The following GGACT variants were observed in gnomAD, a reference collection of about 807,000 sequenced individuals.
The protein encoded by GGACT is gamma-glutamylaminecyclotransferase.
For synonymous variants in GGACT, 118 were observed against 115.3 expected (o/e 1.02, Z -0.15); for missense variants, 241 against 233.2 (o/e 1.03, Z -0.22).
At chr13:100,556,922 G>A (rs1015384347) in intron 2 of GGACT, among the ~76,000 whole-genome samples, 3 of 152,122 alleles carry the variant, frequency 2.0e-5, no homozygotes, top group African/African-American at 7.2e-5. Flanking sequence ...TGCCCAGGCT[G>A]GAGTGCAGTG....
intron 2 of GGACT, among the ~76,000 whole-genome samples, chr13:100,543,670 A>C (rs191856283): frequency 2.0e-5 from 3 of 152,254 alleles, no homozygotes; most frequent in African/African-American, 4.8e-5. Flanking sequence ...GTAACAATGC[A>C]TACTGCCAGT....
chr13:100,569,039 C>G (rs576042777), intron 2 of GGACT, among the ~76,000 whole-genome samples: 10 of 152,390 alleles, frequency 6.6e-5, no homozygotes, highest in African/African-American at 2.4e-4. Context: ...GCCCCTATGG[C>G]TTTGCAGGGT....
intron 2 of GGACT, among the ~76,000 whole-genome samples, chr13:100,561,678 T>G (rs1447208289): frequency 1.3e-5 from 2 of 152,204 alleles, no homozygotes; most frequent in Non-Finnish European, 2.9e-5. Flanking sequence ...ATTCCTGTAC[T>G]TAGAAGAACC....
chr13:100,556,822 AT>A (rs2088712350), intron 2 of GGACT, among the ~76,000 whole-genome samples: 1 of 152,220 alleles, frequency 6.6e-6, no homozygotes, highest in African/African-American at 2.4e-5. Context: ...TAAAACTTAT[AT>A]AAACATTTGA....
At chr13:100,565,493 C>G (rs979763231) in intron 2 of GGACT, among the ~76,000 whole-genome samples, 2 of 152,056 alleles carry the variant, frequency 1.3e-5, no homozygotes, top group East Asian at 1.9e-4. Flanking sequence ...GTGTTTGAAA[C>G]GAGGTCGCTG....
In GGACT at chr13:100,532,079, C is replaced by A. The variant is rs761487002; in HGVS notation, c.*51G>T. ...GCCTTCACCCAGCATGGGCTGGGCG[C>A]ATCTTGGAGCCCCAGGGCTCTCAAA... is the stretch of plus-strand genomic sequence containing the variant. On this transcript the variant is annotated 3_prime_UTR_variant, in exon 3 of 3. Coordinates refer to ENST00000683975, the MANE Select transcript of GGACT (RefSeq NM_001195087.2). 2.2e-4 allele frequency: 287 copies of A among 1,327,680 alleles called. No homozygotes were observed. Among genetic ancestry groups the A allele is most frequent in the Non-Finnish European group, 2.6e-4 (261 of 1,004,906 alleles). The allele number at this position is 1,327,680 out of a possible 1,614,324, so 82.2% of individuals were successfully genotyped here.
chr13:100,530,454 TTGAA>T lies in GGACT; in HGVS notation c.*1672_*1675del, dbSNP rs201062235. ...GTCTAAATATTAGTTTGCCCTTTCT[TTGAA>T]TGAAGACAATGTACACATAGGCGAC... On this transcript the variant is annotated 3_prime_UTR_variant, in exon 3 of 3. Transcript: ENST00000683975. The T allele has an allele frequency of 5.7e-3, 2,933 of 513,998 alleles. 66 individuals are homozygous for T. Among genetic ancestry groups the T allele is most frequent in the African/African-American group, 0.051 (2,683 of 52,158 alleles). 31.8% of individuals were successfully genotyped at this position (513,998 alleles called of 1,614,324 possible). A position where few individuals can be genotyped will look rare whatever the true frequency, so the allele number is the denominator to read the frequency against.
At chr13:100,537,312 G>A (rs992787841) in intron 2 of GGACT, 1 of 152,372 alleles carries the variant, frequency 6.6e-6, no homozygotes, top group Non-Finnish European at 1.5e-5. Context: ...TTCAGGTACA[G>A]GAGACTCAAG....
At chr13:100,550,986 T>C (rs1386025626) in intron 2 of GGACT, among the ~76,000 whole-genome samples, 1 of 152,128 alleles carries the variant, frequency 6.6e-6, no homozygotes, top group Non-Finnish European at 1.5e-5. Flanking sequence ...ACTACTTTCT[T>C]AATTAAAAAA....
intron 2 of GGACT, among the ~76,000 whole-genome samples, chr13:100,573,188 A>C (rs78343716): frequency 1.3e-5 from 2 of 152,150 alleles, no homozygotes; most frequent in Non-Finnish European, 2.9e-5. Context: ...TTAGCTCTCC[A>C]CAAGTCCTTA....
At position 100,545,008 on chromosome 13, in the gene GGACT, C is replaced by T. The variant is rs752863767; in HGVS notation, c.-10-12407G>A. Among the ~76,000 whole-genome samples the T allele has an allele frequency of 1.3e-5, 2 of 152,176 alleles. No homozygotes were observed. The highest frequency in any genetic ancestry group is 2.9e-5 in the Non-Finnish European group (2 of 68,024). On this transcript the variant is annotated intron_variant, in intron 2 of 2. Coordinates refer to ENST00000683975, the MANE Select transcript of GGACT (RefSeq NM_001195087.2). This position sits in a 1 kb window ranked among gnomAD's most constrained non-coding sequence, Gnocchi z 4.4. The stretch of plus-strand genomic sequence containing the variant: ...CCCTGCTGCCTCCTGGTGTGACACT[C>T]AGAAGGCGCAGCGGAGGCGGCAGCA...
chr13:100,578,649 C>A (rs1447978674), intron 2 of GGACT, among the ~76,000 whole-genome samples: 2 of 152,222 alleles, frequency 1.3e-5, no homozygotes, highest in East Asian at 3.9e-4. Flanking sequence ...GCCGTCAAAC[C>A]ATTCTTTGTT....
At chr13:100,559,313 G>C (rs1185913625) in intron 2 of GGACT, among the ~76,000 whole-genome samples, 2 of 152,044 alleles carry the variant, frequency 1.3e-5, no homozygotes, top group Admixed American at 1.3e-4. Context: ...TCAGCCTCTC[G>C]AGTAGCTGGG....
At chr13:100,588,195 A>G (rs539907989) in intron 1 of GGACT, among the ~76,000 whole-genome samples, 1 of 152,338 alleles carries the variant, frequency 6.6e-6, no homozygotes, top group South Asian at 2.1e-4. Flanking sequence ...CATAATTAAT[A>G]ATCAAGGCAG....
intron 1 of GGACT, among the ~76,000 whole-genome samples, chr13:100,588,436 C>G (rs563864320): frequency 1.9e-4 from 29 of 152,336 alleles, no homozygotes; most frequent in African/African-American, 6.7e-4. Context: ...AGGGAAGCAG[C>G]GCCCGTGCGT....
chr13:100,546,230 C>T (rs1255210739), intron 2 of GGACT, among the ~76,000 whole-genome samples: 4 of 151,792 alleles, frequency 2.6e-5, no homozygotes, highest in South Asian at 2.1e-4. Flanking sequence ...GGCATGGTGG[C>T]GGGCGCCTAT....
chr13:100,551,829 C>T (rs772342302), intron 2 of GGACT, among the ~76,000 whole-genome samples: 3 of 152,210 alleles, frequency 2.0e-5, no homozygotes, highest in Non-Finnish European at 4.4e-5. Flanking sequence ...AATTTCTCTC[C>T]CTTCCCTTTG....
intron 2 of GGACT, among the ~76,000 whole-genome samples, chr13:100,577,223 C>T (rs969195405): frequency 6.6e-6 from 1 of 152,046 alleles, no homozygotes; most frequent in African/African-American, 2.4e-5. Flanking sequence ...CAAGACCAGC[C>T]TGGCCAACAT....
chr13:100,585,859 C>G (rs371941151), intron 1 of GGACT, among the ~76,000 whole-genome samples: 27 of 84,312 alleles, frequency 3.2e-4, no homozygotes, highest in African/African-American at 9.2e-4. Context: ...AAAAAAATAG[C>G]TGGGCATTGT....
Sources: gnomAD v4.1 joint callset for allele counts (sites outside exome capture counted in the v4.1 genomes callset) on GRCh38, gnomAD v4.1.1 for gene constraint, Gnocchi (gnomAD v3.1) non-coding constraint, MANE v1.5 for transcripts, NCBI Gene and HGNC (gene_info 2026-07-23, HGNC 2026-07-21) for gene names.